Variants in EPHX4 observed in about 807,000 individuals in gnomAD.
The protein encoded by EPHX4 is abhydrolase domain containing 7.
Under a neutral mutation model 44.9 loss-of-function variants are expected in EPHX4, and 31 were observed. The ratio of observed to expected loss-of-function variants is 0.69; its 90% CI spans 0.52 to 0.93. The LOEUF is 0.93. Among genes scored for constraint, EPHX4 ranks in the 40% least tolerant of loss-of-function variants. The probability of loss-of-function intolerance (pLI) is 0.00; values close to 1 mark genes in which losing one functional copy is unlikely to be tolerated. For synonymous variants in EPHX4, 151 were observed against 159.7 expected (o/e 0.95, Z 0.41); for missense variants, 373 against 438.1 (o/e 0.85, Z 1.33).
In EPHX4 at chr1:92,063,384, T is replaced by C. The variant is rs1570700336; in HGVS notation, c.*98T>C. 1.1e-6 allele frequency: 1 copy of C among 921,906 alleles called. No individual in the cohort carries two copies. The highest frequency in any genetic ancestry group is 2.7e-5 in the East Asian group (1 of 37,500). The allele number at this position is 921,906 out of a possible 1,614,324, so 57.1% of individuals were successfully genotyped here. A position where few individuals can be genotyped will look rare whatever the true frequency, so the allele number is the denominator to read the frequency against. ...TTTATGTTTTATTAGAAAAAAACTG[T>C]TTTAATGTGCTTTATCATAAATAAA... On this transcript the variant is annotated 3_prime_UTR_variant, in exon 7 of 7. Coordinates refer to ENST00000370383, the MANE Select transcript of EPHX4 (RefSeq NM_173567.5).
At position 92,032,489 on chromosome 1, in the gene EPHX4, T is replaced by G. The variant is rs562388088; in HGVS notation, c.232-16T>G. The G allele has an allele frequency of 6.2e-7, 1 of 1,602,838 alleles. No homozygotes were observed. The highest frequency in any genetic ancestry group is 1.1e-5 in the South Asian group (1 of 90,640). ...CAACACAAACATCACTAAAATTCCATGCCCTCTACTTTCAGGATTCAGGGT... is the reference window on the plus strand; with the variant it reads ...CAACACAAACATCACTAAAATTCCAGGCCCTCTACTTTCAGGATTCAGGGT... On this transcript the variant is annotated splice_polypyrimidine_tract_variant and intron_variant, in intron 1 of 6. Coordinates refer to ENST00000370383, the MANE Select transcript of EPHX4 (RefSeq NM_173567.5).
chr1:92,042,804 GCTT>G lies in EPHX4; in HGVS notation c.318-17_318-15del, dbSNP rs989114937. On this transcript the variant is annotated splice_polypyrimidine_tract_variant and intron_variant, in intron 2 of 6. Coordinates refer to ENST00000370383, the MANE Select transcript of EPHX4 (RefSeq NM_173567.5). ...TACTAGCTAATATGATATTTTAAAT[GCTT>G]CCTTTTTTCCTGCAGGTATTCTTGG... is the stretch of plus-strand genomic sequence containing the variant. 3 of 1,596,086 alleles carry G rather than the reference GCTT, an allele frequency of 1.9e-6. No homozygotes were observed. The highest frequency in any genetic ancestry group is 2.6e-6 in the Non-Finnish European group (3 of 1,172,920).
At chr1:92,049,467 G>A (rs1325415956) in intron 4 of EPHX4, among the ~76,000 whole-genome samples, 1 of 152,074 alleles carries the variant, frequency 6.6e-6, no homozygotes, top group African/African-American at 2.4e-5. Context: ...CTTATTTATT[G>A]TGTAAGTTCA....
At chr1:92,051,903 A>C (rs1647267948) in intron 5 of EPHX4, among the ~76,000 whole-genome samples, 1 of 152,206 alleles carries the variant, frequency 6.6e-6, no homozygotes, top group African/African-American at 2.4e-5. Context: ...TGCTGTAAAG[A>C]ATTTTTCCAC....
chr1:92,059,041 C>A (rs1196331064), intron 6 of EPHX4, among the ~76,000 whole-genome samples: 1 of 152,114 alleles, frequency 6.6e-6, no homozygotes, highest in Non-Finnish European at 1.5e-5. Context: ...AGTTCCATTA[C>A]CACAGCAATG....
At chr1:92,060,135 G>C (rs920568214) in intron 6 of EPHX4, among the ~76,000 whole-genome samples, 1 of 152,124 alleles carries the variant, frequency 6.6e-6, no homozygotes, top group Non-Finnish European at 1.5e-5. Flanking sequence ...ATTGGGGCCA[G>C]GTACAGTGAC....
intron 6 of EPHX4, among the ~76,000 whole-genome samples, chr1:92,056,008 A>G (rs980638864): frequency 1.3e-5 from 2 of 151,964 alleles, no homozygotes; most frequent in African/African-American, 2.4e-5. Flanking sequence ...AGAGAGAGAG[A>G]GGGAGAAAGA....
At chr1:92,057,357 A>T (rs1402556823) in intron 6 of EPHX4, among the ~76,000 whole-genome samples, 1 of 152,172 alleles carries the variant, frequency 6.6e-6, no homozygotes, top group Non-Finnish European at 1.5e-5. Context: ...AGTAAAAAAA[A>T]TAACTATTAA....
At chr1:92,034,167 G>T (rs1288948965) in intron 2 of EPHX4, among the ~76,000 whole-genome samples, 2 of 150,980 alleles carry the variant, frequency 1.3e-5, no homozygotes, top group Non-Finnish European at 3.0e-5. Context: ...GTGCTTGGTG[G>T]CAGGCGCCTG....
chr1:92,036,856 A>C (rs1688445316), intron 2 of EPHX4, among the ~76,000 whole-genome samples: 1 of 151,906 alleles, frequency 6.6e-6, no homozygotes, highest in Non-Finnish European at 1.5e-5. Context: ...CTAAACCAAG[A>C]CCCCTGTTGA....
At chr1:92,048,293 C>T (rs1570693944) in intron 4 of EPHX4, among the ~76,000 whole-genome samples, 1 of 152,166 alleles carries the variant, frequency 6.6e-6, no homozygotes, top group East Asian at 1.9e-4. Flanking sequence ...TTGAATTCAA[C>T]AGCAGAAGTC....
Position 92,052,496 on chromosome 1 carries a change from C to A in EPHX4, c.709-14C>A. The A allele has an allele frequency of 6.3e-7, 1 of 1,578,758 alleles. No homozygotes were observed. The highest frequency in any genetic ancestry group is 8.6e-7 in the Non-Finnish European group (1 of 1,165,072). Reference sequence around the variant, plus strand: ...ACAAAAAAGTTTTAATTATTGTTTTCTCACTTAAATTAGGTTTTGAAACAT... The same window carrying A: ...ACAAAAAAGTTTTAATTATTGTTTTATCACTTAAATTAGGTTTTGAAACAT... On this transcript the variant is annotated splice_polypyrimidine_tract_variant and intron_variant, in intron 5 of 6. Transcript: ENST00000370383.
Position 92,050,246 on chromosome 1 carries a change from A to C in EPHX4, c.605-71A>C, listed in dbSNP as rs186372651. 17 of 953,440 alleles carry C rather than the reference A, an allele frequency of 1.8e-5. No individual in the cohort carries two copies. The Admixed American group carries it at 4.2e-4, about 24-fold the overall frequency. 59.1% of individuals were successfully genotyped at this position (953,440 alleles called of 1,614,324 possible). A position where few individuals can be genotyped will look rare whatever the true frequency, so the allele number is the denominator to read the frequency against. ...ATCATCTTAAAGTAAAATTGTCCTA[A>C]AAAGAAGTTCTTCTAACAGTAAGTA... is the stretch of plus-strand genomic sequence containing the variant. On this transcript the variant is annotated intron_variant, in intron 4 of 6. Transcript: ENST00000370383.
At chr1:92,033,074 C>T (rs1413318713) in intron 2 of EPHX4, among the ~76,000 whole-genome samples, 2 of 147,952 alleles carry the variant, frequency 1.4e-5, no homozygotes, top group East Asian at 4.1e-4. Context: ...TCTACCACCA[C>T]ACCTAGCTTT....
chr1:92,054,608 G>T (rs1294493878), intron 6 of EPHX4, among the ~76,000 whole-genome samples: 1 of 131,276 alleles, frequency 7.6e-6, no homozygotes, highest in African/African-American at 3.0e-5. Context: ...AAAAAAAAAA[G>T]TAACCTACCA....
At chr1:92,053,317 G>T (rs1209029923) in intron 6 of EPHX4, among the ~76,000 whole-genome samples, 1 of 152,164 alleles carries the variant, frequency 6.6e-6, no homozygotes, top group Non-Finnish European at 1.5e-5. Flanking sequence ...TCAAGCAACA[G>T]AATTAGGGCT....
intron 2 of EPHX4, among the ~76,000 whole-genome samples, chr1:92,034,435 C>G (rs1385139070): frequency 1.3e-5 from 2 of 151,960 alleles, no homozygotes; most frequent in Non-Finnish European, 2.9e-5. Flanking sequence ...GCCCAGTTCC[C>G]TTAGTTGACT....
intron 5 of EPHX4, among the ~76,000 whole-genome samples, chr1:92,051,242 G>C (rs1375537688): frequency 1.4e-5 from 2 of 146,644 alleles, no homozygotes; most frequent in Non-Finnish European, 3.0e-5. Context: ...GATGGGATAA[G>C]AACTTAAAAA....
At chr1:92,043,227 A>C in intron 3 of EPHX4, 1 of 300,958 alleles carries the variant, frequency 3.3e-6, no homozygotes, top group Non-Finnish European at 6.2e-6. Flanking sequence ...CATAGACCTA[A>C]TGGCCCGGGT....
Sources: allele counts gnomAD v4.1 joint callset (sites outside exome capture counted in the v4.1 genomes callset), GRCh38; gene constraint gnomAD v4.1.1; transcripts MANE v1.5; gene names NCBI Gene and HGNC (gene_info 2026-07-23, HGNC 2026-07-21).